Variants in PIWIL2 observed in about 807,000 individuals in gnomAD.
The protein encoded by PIWIL2 is piwi-like protein 2.
In PIWIL2, 81 loss-of-function variants were observed where a neutral mutation model predicts 116.5. That is an observed-to-expected ratio of 0.70 (90% CI 0.58 to 0.84). The LOEUF is 0.84. Among genes scored for constraint, PIWIL2 ranks in the 40% least tolerant of loss-of-function variants. The pLI, the probability that PIWIL2 is intolerant of heterozygous loss-of-function variation, is 0.00. For synonymous variants in PIWIL2, 489 were observed against 429.5 expected (o/e 1.14, Z -1.71); for missense variants, 1,272 against 1,212.3 (o/e 1.05, Z -0.73).
At position 22,307,473 on chromosome 8, in the gene PIWIL2, A is replaced by AATTTTTTTTTTTTTTT. The variant is rs1563379262; in HGVS notation, c.1546-460_1546-459insATTTTTTTTTTTTTTT. 4.5e-5 allele frequency among the ~76,000 whole-genome samples: 5 copies of AATTTTTTTTTTTTTTT among 111,258 alleles called. 2 individuals carry two copies. The highest frequency in any genetic ancestry group is 8.7e-5 in the Non-Finnish European group (5 of 57,764). 73.0% of individuals were successfully genotyped at this position (111,258 alleles called of 152,430 possible). ...GACATTTGAAATTCTTTTATTATTC[A>AATTTTTTTTTTTTTTT]TTTTTTTTTTTTTTTTTTTTTTTTT... is the stretch of plus-strand genomic sequence containing the variant. On this transcript the variant is annotated intron_variant, in intron 13 of 22. Coordinates refer to ENST00000356766, the MANE Select transcript of PIWIL2 (RefSeq NM_018068.5).
At chr8:22,280,060 A>G (rs899232064) in intron 2 of PIWIL2, among the ~76,000 whole-genome samples, 14 of 152,196 alleles carry the variant, frequency 9.2e-5, no homozygotes, top group African/African-American at 3.4e-4. Context: ...AAATATTTCA[A>G]ATCTAGAGTT....
intron 20 of PIWIL2, among the ~76,000 whole-genome samples, chr8:22,328,767 T>C (rs1156568830): frequency 1.3e-5 from 2 of 151,902 alleles, no homozygotes; most frequent in South Asian, 2.1e-4. Context: ...TGTTTTTATG[T>C]GTTGATCATG....
At chr8:22,334,208 T>C (rs1026033129) in intron 20 of PIWIL2, among the ~76,000 whole-genome samples, 1 of 151,808 alleles carries the variant, frequency 6.6e-6, no homozygotes, top group Non-Finnish European at 1.5e-5. Context: ...CTCCTGACCT[T>C]AGGTGATCCA....
chr8:22,351,440 C>CATT (rs1554507096), intron 20 of PIWIL2, among the ~76,000 whole-genome samples: 1 of 52,932 alleles, frequency 1.9e-5, no homozygotes, highest in Non-Finnish European at 3.9e-5. Context: ...TGCATACATA[C>CATT]ATATATATAT....
intron 20 of PIWIL2, among the ~76,000 whole-genome samples, chr8:22,342,392 G>A (rs1832130954): frequency 1.3e-5 from 2 of 152,106 alleles, no homozygotes; most frequent in South Asian, 2.1e-4. Context: ...TAAAAACTAC[G>A]GTAATCAAGA....
chr8:22,294,899 GGAAAAA>G lies in PIWIL2; in HGVS notation c.1181+4554_1181+4559del, dbSNP rs1340571973. 8.8e-5 allele frequency among the ~76,000 whole-genome samples: 7 copies of G among 79,420 alleles called. 2 individuals carry two copies. Among genetic ancestry groups the G allele is most frequent in the Admixed American group, 4.6e-4 (3 of 6,514 alleles). The allele number at this position is 79,420 out of a possible 152,430, so 52.1% of individuals were successfully genotyped here. A position where few individuals can be genotyped will look rare whatever the true frequency, so the allele number is the denominator to read the frequency against. ...AACATGGTGAAATCCCATCTTTACT[GGAAAAA>G]AAAAAAAAAAAAAAAAAAAAAAAAT... On this transcript the variant is annotated intron_variant, in intron 10 of 22. Coordinates refer to ENST00000356766, the MANE Select transcript of PIWIL2 (RefSeq NM_018068.5).
At chr8:22,348,214 C>T (rs986829666) in intron 20 of PIWIL2, among the ~76,000 whole-genome samples, 2 of 151,992 alleles carry the variant, frequency 1.3e-5, no homozygotes, top group South Asian at 2.1e-4. Flanking sequence ...GCAGGAGAAT[C>T]GCTTGAACCC....
In PIWIL2 at chr8:22,309,927, G is replaced by A. The variant is rs377078652; in HGVS notation, c.1687-34G>A. Reference sequence around the variant, plus strand: ...TGTTTTTCTAAATAGCGTTTGAAAAGGCTCATGTCATAGATGGTTTATTTT... The same window carrying A: ...TGTTTTTCTAAATAGCGTTTGAAAAAGCTCATGTCATAGATGGTTTATTTT... On this transcript the variant is annotated intron_variant, in intron 14 of 22. Coordinates refer to ENST00000356766, the MANE Select transcript of PIWIL2 (RefSeq NM_018068.5). 2.5e-4 allele frequency: 315 copies of A among 1,281,058 alleles called. 1 individual carries two copies. The highest frequency in any genetic ancestry group is 3.3e-4 in the Non-Finnish European group (287 of 878,574). 79.4% of individuals were successfully genotyped at this position (1,281,058 alleles called of 1,614,324 possible). A position where few individuals can be genotyped will look rare whatever the true frequency, so the allele number is the denominator to read the frequency against.
intron 20 of PIWIL2, among the ~76,000 whole-genome samples, chr8:22,346,274 G>A (rs560551200): frequency 1.1e-3 from 160 of 152,176 alleles, no homozygotes; most frequent in African/African-American, 3.5e-3. Flanking sequence ...ATGGTATTTC[G>A]AACTATATTT....
intron 20 of PIWIL2, among the ~76,000 whole-genome samples, chr8:22,340,555 C>G (rs533992517): frequency 6.6e-6 from 1 of 152,150 alleles, no homozygotes; most frequent in East Asian, 1.9e-4. Flanking sequence ...AGGGATAGGA[C>G]ACAGAGACAT....
At chr8:22,283,757 G>A (rs1034313446) in intron 5 of PIWIL2, among the ~76,000 whole-genome samples, 6 of 152,184 alleles carry the variant, frequency 3.9e-5, no homozygotes, top group Non-Finnish European at 8.8e-5. Flanking sequence ...TGGACATATA[G>A]CATGCAACTA....
chr8:22,307,460 T>TC (rs1262552507), intron 13 of PIWIL2, among the ~76,000 whole-genome samples: 1 of 148,344 alleles, frequency 6.7e-6, no homozygotes, highest in Non-Finnish European at 1.5e-5. Context: ...CATTTGAAAT[T>TC]CTTTTATTAT....
intron 20 of PIWIL2, among the ~76,000 whole-genome samples, chr8:22,349,415 GTGTGTATATATATA>G (rs1390446483): frequency 7.4e-6 from 1 of 134,944 alleles, no homozygotes; most frequent in Non-Finnish European, 1.6e-5. Context: ...ATATATGTGT[GTGTGTATATATATA>G]TATATATATA....
chr8:22,355,079 AC>A (rs1181949620), intron 22 of PIWIL2, among the ~76,000 whole-genome samples: 4 of 151,010 alleles, frequency 2.6e-5, no homozygotes, highest in Admixed American at 6.6e-5. Context: ...AAAAAAAAAA[AC>A]AAAACAAAAA....
intron 16 of PIWIL2, among the ~76,000 whole-genome samples, chr8:22,313,940 A>G (rs1264709801): frequency 1.3e-5 from 2 of 152,174 alleles, no homozygotes; most frequent in Non-Finnish European, 2.9e-5. Context: ...TATGAGTGTA[A>G]TAAGTTGTTT....
intron 20 of PIWIL2, among the ~76,000 whole-genome samples, chr8:22,341,372 G>C (rs891893023): frequency 3.3e-5 from 5 of 151,784 alleles, no homozygotes; most frequent in Non-Finnish European, 5.9e-5. Flanking sequence ...GAGGTGGGCG[G>C]ATCACCTGAG....
chr8:22,311,386 T>G, intron 16 of PIWIL2, 86 bp downstream of exon 16: 1 of 1,065,972 alleles, frequency 9.4e-7, no homozygotes, highest in East Asian at 2.6e-5. Flanking sequence ...GTTATCAGTC[T>G]GCTGTTGATG....
chr8:22,290,513 C>G (rs1396504771), intron 10 of PIWIL2, among the ~76,000 whole-genome samples, 167 bp downstream of exon 10: 2 of 152,118 alleles, frequency 1.3e-5, no homozygotes, highest in African/African-American at 2.4e-5. Flanking sequence ...TTGATCATAG[C>G]TCGCTGTAAC....
chr8:22,296,444 T>C (rs1830909573), intron 10 of PIWIL2, among the ~76,000 whole-genome samples: 1 of 152,222 alleles, frequency 6.6e-6, no homozygotes, highest in Non-Finnish European at 1.5e-5. Flanking sequence ...TATACTCCAG[T>C]ATTTTCCAGA....
Sources: gnomAD v4.1 joint callset for allele counts (sites outside exome capture counted in the v4.1 genomes callset) on GRCh38, gnomAD v4.1.1 for gene constraint, MANE v1.5 for transcripts, NCBI Gene and HGNC (gene_info 2026-07-23, HGNC 2026-07-21) for gene names.